S100Z: variants seen among roughly 807,000 people sequenced by gnomAD.
The protein encoded by S100Z is S100 calcium binding protein Z, also known as protein S100-Z.
Under a neutral mutation model 8.5 loss-of-function variants are expected in S100Z, and 11 were observed. The observed-to-expected ratio is 1.30, with a 90% CI of 0.82 to 2.15. S100Z has a LOEUF of 2.15. Ranked by LOEUF, S100Z falls within the 30% of genes most tolerant of loss-of-function variation. S100Z has a pLI of 0.00. For synonymous variants in S100Z, 34 were observed against 43.8 expected (o/e 0.78, Z 0.89); for missense variants, 126 against 117.9 (o/e 1.07, Z -0.32).
At chr5:76,943,078 T>C in the S100Z span, among the ~76,000 whole-genome samples, 4 of 152,342 alleles carry the variant, frequency 2.6e-5, no homozygotes, top group East Asian at 7.7e-4. Flanking sequence ...GTTACATATG[T>C]ATACATGTGC....
At chr5:76,863,159 G>A (rs1229498047) in intron 1 of S100Z, among the ~76,000 whole-genome samples, 1 of 152,192 alleles carries the variant, frequency 6.6e-6, no homozygotes, top group Non-Finnish European at 1.5e-5. Context: ...ATCTAAACCT[G>A]TTTTTCTGGA....
the S100Z span, among the ~76,000 whole-genome samples, chr5:76,928,862 C>T: frequency 1.3e-5 from 2 of 152,234 alleles, no homozygotes; most frequent in South Asian, 2.1e-4. Context: ...ACCTCAGCCT[C>T]CTGAGCAGCT....
rs867131317 is a variant in S100Z at position 76,863,640 on chromosome 5, G to A, written c.-175-6526G>A. 3.7e-4 allele frequency among the ~76,000 whole-genome samples: 57 copies of A among 152,040 alleles called. 1 individual carries two copies. The highest frequency in any genetic ancestry group is 1.5e-3 in the South Asian group (7 of 4,818). On this transcript the variant is annotated intron_variant, in intron 1 of 4. Coordinates refer to ENST00000317593, the MANE Select transcript of S100Z (RefSeq NM_130772.4). ...TGCAAGCTCCGCCTCCCGGGTTCAC[G>A]CCATTCTCCTGCCTCAGCCTCCCAA...
chr5:76,863,694 A>G (rs1037850494), intron 1 of S100Z, among the ~76,000 whole-genome samples: 18 of 151,696 alleles, frequency 1.2e-4, no homozygotes, highest in Non-Finnish European at 2.2e-4. Context: ...ACCCGCCACC[A>G]CACCCAGCTA....
In S100Z at chr5:76,883,308, T is replaced by G. The variant is rs185769261; in HGVS notation, c.*2+5474T>G. Among the ~76,000 whole-genome samples, 4 of 152,218 alleles carry G rather than the reference T, an allele frequency of 2.6e-5. No individual in the cohort carries two copies. The East Asian group carries it at 5.8e-4, about 22-fold the overall frequency. On this transcript the variant is annotated intron_variant, in intron 4 of 4. Coordinates refer to ENST00000317593, the MANE Select transcript of S100Z (RefSeq NM_130772.4). ...GAAAAGGGTGGCAATGAGGTGTGCT[T>G]GTAGCCTAGGAATAGTCAGGGAAGC...
intron 3 of S100Z, among the ~76,000 whole-genome samples, chr5:76,876,441 T>C (rs1743196481): frequency 6.6e-6 from 1 of 151,788 alleles, no homozygotes; most frequent in Non-Finnish European, 1.5e-5. Context: ...CGATCTCGGC[T>C]CACTGCAATC....
chr5:76,947,007 G>A, the S100Z span, among the ~76,000 whole-genome samples: 1 of 152,180 alleles, frequency 6.6e-6, no homozygotes, highest in African/African-American at 2.4e-5. Flanking sequence ...CCTGGCCTCT[G>A]GGCCTCGTCC....
chr5:76,918,313 C>G (rs1270779346), intron 4 of S100Z, among the ~76,000 whole-genome samples: 1 of 152,110 alleles, frequency 6.6e-6, no homozygotes, highest in African/African-American at 2.4e-5. Context: ...CTCAAGTGAT[C>G]CTCCCACCTC....
intron 4 of S100Z, chr5:76,878,079 T>A (rs1743264954): frequency 3.9e-6 from 1 of 258,522 alleles, no homozygotes; most frequent in Non-Finnish European, 7.3e-6. Flanking sequence ...TATATGCATC[T>A]TTTTGGTTTG....
intron 1 of S100Z, among the ~76,000 whole-genome samples, chr5:76,851,205 A>G (rs946627522): frequency 6.6e-6 from 1 of 152,192 alleles, no homozygotes; most frequent in Non-Finnish European, 1.5e-5. Context: ...AGGAATGGGC[A>G]GCACAGTGGC....
chr5:76,861,617 G>C (rs1232109772), intron 1 of S100Z, among the ~76,000 whole-genome samples: 1 of 152,154 alleles, frequency 6.6e-6, no homozygotes, highest in Admixed American at 6.6e-5. Context: ...GGGATTACAG[G>C]CGTGAGCCAC....
At chr5:76,900,731 G>T (rs1354513333) in intron 4 of S100Z, among the ~76,000 whole-genome samples, 1 of 152,132 alleles carries the variant, frequency 6.6e-6, no homozygotes, top group African/African-American at 2.4e-5. Flanking sequence ...TTTGTCCCTG[G>T]TGACTTATTT....
chr5:76,893,825 A>G (rs1228101606), intron 4 of S100Z, among the ~76,000 whole-genome samples: 1 of 152,132 alleles, frequency 6.6e-6, no homozygotes, highest in Non-Finnish European at 1.5e-5. Flanking sequence ...CTTCTCCTTC[A>G]TCAACTAAGG....
In S100Z at chr5:76,862,449, T is replaced by C. The variant is rs571123095; in HGVS notation, c.-175-7717T>C. Among the ~76,000 whole-genome samples, 4 of 152,156 alleles carry C rather than the reference T, an allele frequency of 2.6e-5. No homozygotes were observed. In the South Asian group the frequency reaches 6.2e-4, roughly 24 times the overall value. Reference sequence around the variant, plus strand: ...CCAATCCTTCATAGGGTGTAGCCAATTGGAGGCCTCTGAAGAGCACCTAGG... The same window carrying C: ...CCAATCCTTCATAGGGTGTAGCCAACTGGAGGCCTCTGAAGAGCACCTAGG... On this transcript the variant is annotated intron_variant, in intron 1 of 4. Coordinates refer to ENST00000317593, the MANE Select transcript of S100Z (RefSeq NM_130772.4).
At chr5:76,864,437 G>A (rs1359859792) in intron 1 of S100Z, among the ~76,000 whole-genome samples, 1 of 110,430 alleles carries the variant, frequency 9.1e-6, no homozygotes, top group South Asian at 2.9e-4. Flanking sequence ...AGTCTCACTC[G>A]GTCACCCAGG....
At chr5:76,887,189 A>C (rs180836366) in intron 4 of S100Z, among the ~76,000 whole-genome samples, 1 of 143,378 alleles carries the variant, frequency 7.0e-6, no homozygotes, top group Non-Finnish European at 1.5e-5. Flanking sequence ...CTCTGCCTCC[A>C]TGGTTCAAGC....
chr5:76,880,958 A>G (rs939885395), intron 4 of S100Z, among the ~76,000 whole-genome samples: 1 of 152,232 alleles, frequency 6.6e-6, no homozygotes, highest in Non-Finnish European at 1.5e-5. Context: ...AAGAAGGATT[A>G]GAAATGGCTA....
intron 1 of S100Z, among the ~76,000 whole-genome samples, chr5:76,867,041 C>T (rs544762875): frequency 5.3e-5 from 8 of 152,262 alleles, no homozygotes; most frequent in South Asian, 2.1e-4. Flanking sequence ...AGCTCTGCTA[C>T]GACATAGTTG....
At chr5:76,853,583 G>T (rs1750792688) in intron 1 of S100Z, among the ~76,000 whole-genome samples, 1 of 151,962 alleles carries the variant, frequency 6.6e-6, no homozygotes, top group South Asian at 2.1e-4. Context: ...ATCATCTGAG[G>T]TCAGGAGTTC....
Sources: gnomAD v4.1 joint callset for allele counts (sites outside exome capture counted in the v4.1 genomes callset) on GRCh38, gnomAD v4.1.1 for gene constraint, MANE v1.5 for transcripts, NCBI Gene and HGNC (gene_info 2026-07-23, HGNC 2026-07-21) for gene names.